The following KALRN variants were observed in gnomAD, a reference collection of about 807,000 sequenced individuals.
KALRN encodes the protein kalirin.
Under a neutral mutation model 353.7 loss-of-function variants are expected in KALRN, and 70 were observed. The ratio of observed to expected loss-of-function variants is 0.20; its 90% confidence interval spans 0.16 to 0.24. KALRN has a LOEUF of 0.24. KALRN is among the 10% of genes least tolerant of loss of function. The probability of loss-of-function intolerance (pLI) is 1.00; values close to 1 mark genes in which losing one functional copy is unlikely to be tolerated. For missense variants in KALRN, 2,791 were observed against 3,756.7 expected, an observed-to-expected ratio of 0.74 and a Z score of 6.72; for synonymous variants, 1,391 against 1,434.8, an observed-to-expected ratio of 0.97 and a Z score of 0.69.
At chr3:124,538,634 C>A (rs2068740591) in intron 33 of KALRN, among the ~76,000 whole-genome samples, 1 of 152,092 alleles carries the variant, frequency 6.6e-6, no homozygotes, top group Non-Finnish European at 1.5e-5. Context: ...GGCATTGTAA[C>A]AGTAAAGATG....
intron 1 of KALRN, among the ~76,000 whole-genome samples, chr3:124,123,070 AC>A (rs2064210320): frequency 6.6e-6 from 1 of 152,036 alleles, no homozygotes; most frequent in African/African-American, 2.4e-5. Flanking sequence ...GCGTGGTGGC[AC>A]GTGCCTGTAA....
At chr3:124,188,628 G>A (rs1007154697) in intron 1 of KALRN, among the ~76,000 whole-genome samples, 3 of 152,160 alleles carry the variant, frequency 2.0e-5, no homozygotes, top group African/African-American at 4.8e-5. Context: ...GAGAGGGGCT[G>A]GAGCAGGTGT....
At chr3:124,458,934 A>G (rs1211336610) in intron 23 of KALRN, among the ~76,000 whole-genome samples, 3 of 146,794 alleles carry the variant, frequency 2.0e-5, no homozygotes, top group African/African-American at 7.3e-5. Flanking sequence ...AATCCATCTC[A>G]AAATAAAAAA....
At chr3:124,424,485 AC>A (rs2092930947) in intron 15 of KALRN, among the ~76,000 whole-genome samples, 1 of 152,102 alleles carries the variant, frequency 6.6e-6, no homozygotes, top group Admixed American at 6.6e-5. Context: ...AATGAAAAAA[AC>A]ACTGTCTTCT....
chr3:124,067,970 G>A (rs1390102528), intron 1 of KALRN, among the ~76,000 whole-genome samples: 2 of 152,310 alleles, frequency 1.3e-5, no homozygotes, highest in East Asian at 1.9e-4. Context: ...GAGGCCCTAC[G>A]CCATAGCTCA....
intron 14 of KALRN, among the ~76,000 whole-genome samples, chr3:124,417,723 T>C (rs2092585334): frequency 6.6e-6 from 1 of 152,230 alleles, no homozygotes; most frequent in Non-Finnish European, 1.5e-5. Context: ...CTGAGTGTCC[T>C]TGTACATGTT....
chr3:124,480,614 A>G (rs999727461), intron 27 of KALRN, among the ~76,000 whole-genome samples: 8 of 152,168 alleles, frequency 5.3e-5, no homozygotes, highest in Middle Eastern at 3.2e-3. Flanking sequence ...GTGCGCTGAC[A>G]GGTATGTGCA....
At chr3:124,128,295 G>A (rs1317028411) in intron 1 of KALRN, among the ~76,000 whole-genome samples, 1 of 152,178 alleles carries the variant, frequency 6.6e-6, no homozygotes, top group East Asian at 1.9e-4. Context: ...AGACATTGAT[G>A]CTTTCAACCA....
At chr3:124,704,639 C>G in intron 57 of KALRN, among the ~76,000 whole-genome samples, 1 of 152,124 alleles carries the variant, frequency 6.6e-6, no homozygotes, top group Non-Finnish European at 1.5e-5. Flanking sequence ...TTTCGACCTT[C>G]CAGGCTCAAG....
At chr3:124,664,378 C>T (rs533244201) in intron 45 of KALRN, among the ~76,000 whole-genome samples, 156 of 148,136 alleles carry the variant, frequency 1.1e-3, no homozygotes, top group Non-Finnish European at 1.9e-3. Flanking sequence ...TGTGCGCGCG[C>T]GCGCATATAA....
At chr3:124,419,778 A>T (rs572969423) in intron 14 of KALRN, among the ~76,000 whole-genome samples, 40 of 152,356 alleles carry the variant, frequency 2.6e-4, no homozygotes, top group Middle Eastern at 3.4e-3. Context: ...AGAACTTTTT[A>T]AAAAAGAGCC....
chr3:124,108,558 G>A (rs559103278), intron 1 of KALRN, among the ~76,000 whole-genome samples: 15 of 152,278 alleles, frequency 9.9e-5, no homozygotes, highest in Non-Finnish European at 2.2e-4. Context: ...CCAATGAAAC[G>A]TGAGCAGAAG....
At chr3:124,716,350 T>C (rs1444936250) in intron 58 of KALRN, among the ~76,000 whole-genome samples, 1 of 152,102 alleles carries the variant, frequency 6.6e-6, no homozygotes, top group Non-Finnish European at 1.5e-5. Context: ...ATGGCAAAAC[T>C]CTGTCTCTAC....
chr3:124,474,564 T>G, intron 25 of KALRN, 99 bp from the exon 26 acceptor site: 1 of 893,946 alleles, frequency 1.1e-6, no homozygotes, highest in Admixed American at 1.9e-5. Flanking sequence ...AAGCCATGTA[T>G]AAATAATTGA....
intron 6 of KALRN, among the ~76,000 whole-genome samples, chr3:124,299,515 T>G (rs73858409): frequency 0.013 from 1,963 of 152,156 alleles, 46 homozygotes; most frequent in African/African-American, 0.043. Context: ...GACAGTGAGC[T>G]CTCCATGATG....
At chr3:124,540,996 G>A (rs1386222611) in intron 33 of KALRN, among the ~76,000 whole-genome samples, 1 of 151,916 alleles carries the variant, frequency 6.6e-6, no homozygotes, top group Non-Finnish European at 1.5e-5. Flanking sequence ...AAAACAGTTG[G>A]TTAGTTGCTA....
chr3:124,594,071 A>G (rs1280356607), intron 34 of KALRN, among the ~76,000 whole-genome samples: 1 of 152,250 alleles, frequency 6.6e-6, no homozygotes, highest in African/African-American at 2.4e-5. Flanking sequence ...CCAAAATAGC[A>G]TAATCCTAAC....
In KALRN at chr3:124,474,370, T is replaced by C. The variant is rs963642849; in HGVS notation, c.4032-293T>C. 1.5e-4 allele frequency among the ~76,000 whole-genome samples: 23 copies of C among 152,226 alleles called. No homozygotes were observed. The East Asian group carries it at 2.9e-3, about 19-fold the overall frequency. ...CTTGTGTAAAAAAGTAGATTCTTAC[T>C]TGCTGATAAAAAGTCCAACACAAAC... On this transcript the variant is annotated intron_variant, in intron 25 of 59. Transcript: ENST00000682506.
chr3:124,348,879 G>A lies in KALRN; in HGVS notation c.1770+1614G>A, dbSNP rs995749044. On this transcript the variant is annotated intron_variant, in intron 10 of 59. Coordinates refer to ENST00000682506, the MANE Select transcript of KALRN (RefSeq NM_001388419.1). ...ATTACAGGCACCTGCCACCACACCC[G>A]GCTAATTTTTTGTATTTTTAGTAGA... Among the ~76,000 whole-genome samples the A allele has an allele frequency of 8.5e-5, 13 of 152,134 alleles. No homozygotes were observed. In the South Asian group the frequency reaches 1.9e-3, roughly 22 times the overall value.
Sources: gnomAD v4.1 joint callset for allele counts (sites outside exome capture counted in the v4.1 genomes callset) on GRCh38, gnomAD v4.1.1 for gene constraint, MANE v1.5 for transcripts, NCBI Gene and HGNC (gene_info 2026-07-23, HGNC 2026-07-21) for gene names.